MACROD2: variants seen among roughly 807,000 people sequenced by gnomAD.
MACROD2 encodes the protein mono-ADP ribosylhydrolase 2.
MACROD2 carries 36 observed loss-of-function variants against 70.4 expected under a neutral mutation model. The observed-to-expected ratio is 0.51, with a 90% CI of 0.39 to 0.68. MACROD2 has a LOEUF of 0.68. Ranked by LOEUF, MACROD2 falls within the 30% of genes least tolerant of loss-of-function variation. MACROD2 has a pLI of 0.00. For synonymous variants in MACROD2, 172 were observed against 178.8 expected, an observed-to-expected ratio of 0.96 and a Z score of 0.30; for missense variants, 496 against 538.4, an observed-to-expected ratio of 0.92 and a Z score of 0.78.
rs188799226 is a variant in MACROD2 at position 15,892,842 on chromosome 20, A to G, written c.775+7031A>G. 102 of 397,214 alleles carry G rather than the reference A, an allele frequency of 2.6e-4. 2 individuals carry two copies. Among genetic ancestry groups the G allele is most frequent in the African/African-American group, 1.9e-3 (93 of 48,718 alleles). The allele number at this position is 397,214 out of a possible 1,614,324, so 24.6% of individuals were successfully genotyped here. ...ATTCAGCGTGTGTGTAGGTTTACTA[A>G]GAAGAAAACATTTTTAAATTTCACA... On this transcript the variant is annotated intron_variant, in intron 10 of 17. Coordinates refer to ENST00000684519, the MANE Select transcript of MACROD2 (RefSeq NM_001351661.2).
intron 2 of MACROD2, among the ~76,000 whole-genome samples, chr20:14,012,070 C>T (rs950712924): frequency 6.6e-5 from 10 of 151,988 alleles, no homozygotes; most frequent in African/African-American, 1.9e-4. Context: ...CCCCGCCCAG[C>T]TAAATTTTGT....
At chr20:14,510,830 G>C (rs1388419720) in intron 4 of MACROD2, among the ~76,000 whole-genome samples, 1 of 152,030 alleles carries the variant, frequency 6.6e-6, no homozygotes, top group Non-Finnish European at 1.5e-5. Context: ...TATTCTTCAT[G>C]TGTTATTTTT....
intron 4 of MACROD2, among the ~76,000 whole-genome samples, chr20:14,623,646 G>A (rs1006605743): frequency 8.5e-5 from 13 of 152,050 alleles, no homozygotes; most frequent in African/African-American, 2.9e-4. Context: ...GGAGGACCTG[G>A]AGCCAAACAG....
chr20:15,949,352 G>A (rs1167665822), intron 12 of MACROD2, among the ~76,000 whole-genome samples: 1 of 152,156 alleles, frequency 6.6e-6, no homozygotes, highest in African/African-American at 2.4e-5. Flanking sequence ...AGGTGGCACA[G>A]TGATATGTCA....
intron 7 of MACROD2, among the ~76,000 whole-genome samples, chr20:15,468,042 A>G (rs2046917237): frequency 6.6e-6 from 1 of 152,196 alleles, no homozygotes; most frequent in South Asian, 2.1e-4. Flanking sequence ...TACTTTCTGG[A>G]TAGACCTTTA....
chr20:15,238,402 A>T (rs1461905826), intron 6 of MACROD2, among the ~76,000 whole-genome samples: 1 of 152,124 alleles, frequency 6.6e-6, no homozygotes, highest in Non-Finnish European at 1.5e-5. Context: ...TCATAATCCT[A>T]ACCTTTGATT....
intron 9 of MACROD2, among the ~76,000 whole-genome samples, chr20:15,880,342 CA>C (rs1481815648): frequency 6.6e-6 from 1 of 151,858 alleles, no homozygotes; most frequent in Non-Finnish European, 1.5e-5. Context: ...CATGTTTTTA[CA>C]GATGTTTTTC....
In MACROD2 at chr20:14,786,229, A is replaced by AGAGAGAGAGG. The variant is rs1555830163; in HGVS notation, c.418+101278_418+101279insGGGAGAGAGA. On this transcript the variant is annotated intron_variant, in intron 5 of 17. Coordinates refer to ENST00000684519, the MANE Select transcript of MACROD2 (RefSeq NM_001351661.2). ...TAGAGAGAGAGAGAGAGAGAGAGAG[A>AGAGAGAGAGG]GAGAGAGAATATGAGGGAAGAGGCC... 1.8e-4 allele frequency among the ~76,000 whole-genome samples: 28 copies of AGAGAGAGAGG among 151,462 alleles called. 1 individual carries two copies. Among genetic ancestry groups the AGAGAGAGAGG allele is most frequent in the African/African-American group, 6.6e-4 (27 of 41,154 alleles).
intron 4 of MACROD2, chr20:14,627,168 A>G (rs537565779): frequency 8.5e-5 from 13 of 152,370 alleles, no homozygotes; most frequent in African/African-American, 3.1e-4. Flanking sequence ...GGAGTGAACT[A>G]AAATGCGTGC....
intron 5 of MACROD2, among the ~76,000 whole-genome samples, chr20:14,820,607 A>T (rs2072832654): frequency 6.6e-6 from 1 of 152,026 alleles, no homozygotes; most frequent in South Asian, 2.1e-4. Context: ...AGTAATATGA[A>T]TCCAGGTATA....
At chr20:15,663,874 A>G (rs1305677681) in intron 8 of MACROD2, among the ~76,000 whole-genome samples, 1 of 152,204 alleles carries the variant, frequency 6.6e-6, no homozygotes, top group African/African-American at 2.4e-5. Flanking sequence ...CAAAAACAGA[A>G]GTCGGGCAAA....
chr20:15,620,348 T>G (rs1009215114), intron 8 of MACROD2, among the ~76,000 whole-genome samples: 1 of 152,176 alleles, frequency 6.6e-6, no homozygotes, highest in African/African-American at 2.4e-5. Flanking sequence ...GATGATCATG[T>G]TGCTTCTGGA....
intron 8 of MACROD2, among the ~76,000 whole-genome samples, chr20:15,554,900 C>G (rs2048145803): frequency 6.6e-6 from 1 of 152,206 alleles, no homozygotes; most frequent in Non-Finnish European, 1.5e-5. Context: ...CTTCTGAACC[C>G]TGTGCTATGT....
chr20:15,024,982 A>G (rs938761855), intron 5 of MACROD2, among the ~76,000 whole-genome samples: 5 of 152,198 alleles, frequency 3.3e-5, no homozygotes, highest in Admixed American at 2.0e-4. Context: ...TTCTTTATCA[A>G]AAGAAGATTT....
chr20:15,651,009 T>G (rs1466633066), intron 8 of MACROD2, among the ~76,000 whole-genome samples: 1 of 152,258 alleles, frequency 6.6e-6, no homozygotes. Flanking sequence ...TTTTTGAAAT[T>G]GAAGTGAATA....
chr20:14,857,315 A>G (rs2073265415), intron 5 of MACROD2, among the ~76,000 whole-genome samples: 1 of 152,182 alleles, frequency 6.6e-6, no homozygotes, highest in Non-Finnish European at 1.5e-5. Context: ...CTGCACACAC[A>G]GGCGTTGAGG....
chr20:14,017,152 C>T (rs2053004451), intron 2 of MACROD2, among the ~76,000 whole-genome samples: 1 of 152,078 alleles, frequency 6.6e-6, no homozygotes, highest in African/African-American at 2.4e-5. Context: ...ATGTTCATTG[C>T]AAGTGTACAG....
intron 5 of MACROD2, among the ~76,000 whole-genome samples, chr20:15,211,170 A>G (rs745461663): frequency 4.6e-5 from 7 of 152,220 alleles, no homozygotes; most frequent in Non-Finnish European, 7.3e-5. Context: ...TATTCTGGAC[A>G]TCTTATATAA....
intron 5 of MACROD2, among the ~76,000 whole-genome samples, chr20:15,221,717 A>G (rs2076863138): frequency 6.6e-6 from 1 of 152,218 alleles, no homozygotes; most frequent in African/African-American, 2.4e-5. Flanking sequence ...GCATTTTGGT[A>G]GAAATTGATT....
Sources: gnomAD v4.1 joint callset for allele counts (sites outside exome capture counted in the v4.1 genomes callset) on GRCh38, gnomAD v4.1.1 for gene constraint, MANE v1.5 for transcripts, NCBI Gene and HGNC (gene_info 2026-07-23, HGNC 2026-07-21) for gene names.